CDYL: variants seen among roughly 807,000 people sequenced by gnomAD.
CDYL encodes the protein chromodomain Y like, also known as chromodomain Y-like protein.
CDYL carries 8 observed loss-of-function variants against 47.3 expected under a neutral mutation model. The observed-to-expected ratio is 0.17, with a 90% CI of 0.10 to 0.31. The LOEUF (loss-of-function observed/expected upper bound fraction) is 0.31. CDYL is among the 10% of genes least tolerant of loss of function. The pLI, the probability that CDYL is intolerant of heterozygous loss-of-function variation, is 1.00. For missense variants in CDYL, 471 were observed against 701.4 expected (o/e 0.67, Z 3.71); for synonymous variants, 266 against 265.0 (o/e 1.00, Z -0.04).
chr6:4,721,153 G>C (rs192889924), intron 2 of CDYL, among the ~76,000 whole-genome samples: 1 of 152,160 alleles, frequency 6.6e-6, no homozygotes, highest in Non-Finnish European at 1.5e-5. Flanking sequence ...ATGCAGGAAG[G>C]ATAGGGAAAC....
chr6:4,726,571 C>T (rs916756181), intron 2 of CDYL, among the ~76,000 whole-genome samples: 2 of 150,254 alleles, frequency 1.3e-5, no homozygotes, highest in Non-Finnish European at 3.0e-5. Flanking sequence ...TATGCTGGCA[C>T]ACACCTGTGG....
At chr6:4,840,698 A>G (rs550970124) in intron 1 of CDYL, among the ~76,000 whole-genome samples, 1 of 152,268 alleles carries the variant, frequency 6.6e-6, no homozygotes, top group South Asian at 2.1e-4. Flanking sequence ...TGATGACAAC[A>G]TTGACTTGCG....
intron 5 of CDYL, among the ~76,000 whole-genome samples, chr6:4,949,786 T>A (rs9378922): frequency 0.21 from 32,368 of 152,268 alleles, 3,638 homozygotes; most frequent in Non-Finnish European, 0.23. Flanking sequence ...CTATAATACA[T>A]ATCTTACCAA....
intron 1 of CDYL, among the ~76,000 whole-genome samples, chr6:4,808,141 T>C (rs1759425318): frequency 6.6e-6 from 1 of 152,178 alleles, no homozygotes; most frequent in Non-Finnish European, 1.5e-5. Context: ...GAGGGAGCAC[T>C]GTTTCATTTT....
chr6:4,792,424 TA>T (rs1315650564), intron 1 of CDYL, among the ~76,000 whole-genome samples: 613 of 150,646 alleles, frequency 4.1e-3, no homozygotes, highest in African/African-American at 0.014. Flanking sequence ...AATTTTTATT[TA>T]AAAAAAAATT....
At chr6:4,880,576 G>A (rs1761737673) in intron 1 of CDYL, among the ~76,000 whole-genome samples, 1 of 152,168 alleles carries the variant, frequency 6.6e-6, no homozygotes, top group Admixed American at 6.5e-5. Flanking sequence ...TGAATCATAT[G>A]GTAAGAGTAT....
intron 5 of CDYL, 86 bp downstream of exon 5, chr6:4,943,842 C>A: frequency 9.8e-7 from 1 of 1,017,924 alleles, no homozygotes; most frequent in Non-Finnish European, 1.4e-6. Flanking sequence ...TTTTCTAAAG[C>A]TGTACAGTGT....
At chr6:4,707,203 G>A (rs1240776109) in intron 1 of CDYL, among the ~76,000 whole-genome samples, 1 of 152,150 alleles carries the variant, frequency 6.6e-6, no homozygotes, top group Non-Finnish European at 1.5e-5. Flanking sequence ...AGGAAATAAG[G>A]CCCTGAGGCT....
intron 1 of CDYL, among the ~76,000 whole-genome samples, chr6:4,818,641 T>C (rs1759739342): frequency 6.6e-6 from 1 of 152,226 alleles, no homozygotes; most frequent in Non-Finnish European, 1.5e-5. Flanking sequence ...GTTTTCCTAC[T>C]CATATTATGC....
intron 2 of CDYL, among the ~76,000 whole-genome samples, chr6:4,928,902 T>C (rs1257370373): frequency 6.6e-6 from 1 of 152,196 alleles, no homozygotes; most frequent in Non-Finnish European, 1.5e-5. Context: ...TTTGTTAAGT[T>C]GGTATGAAAG....
intron 2 of CDYL, among the ~76,000 whole-genome samples, chr6:4,905,788 TTTTA>T (rs889707103): frequency 1.3e-5 from 2 of 152,210 alleles, no homozygotes; most frequent in South Asian, 2.1e-4. Flanking sequence ...CCCCTTTTTA[TTTTA>T]TTTATTTTTC....
intron 1 of CDYL, among the ~76,000 whole-genome samples, chr6:4,859,732 T>A (rs1761109594): frequency 6.6e-6 from 1 of 152,252 alleles, no homozygotes; most frequent in Middle Eastern, 3.4e-3. Flanking sequence ...GTTTGGTGAA[T>A]AAGGGCATCT....
At chr6:4,758,341 A>AAAAT (rs1396745804) in intron 3 of CDYL, among the ~76,000 whole-genome samples, 22 of 99,712 alleles carry the variant, frequency 2.2e-4, no homozygotes, top group African/African-American at 3.9e-4. Flanking sequence ...TCATGTCTTG[A>AAAAT]AAATAAATAA....
intron 1 of CDYL, among the ~76,000 whole-genome samples, chr6:4,881,168 G>T (rs1414420254): frequency 6.6e-6 from 1 of 152,060 alleles, no homozygotes; most frequent in African/African-American, 2.4e-5. Flanking sequence ...TAGTATAATT[G>T]TTGATAGGGT....
intron 3 of CDYL, among the ~76,000 whole-genome samples, chr6:4,936,912 G>A (rs930377861): frequency 6.6e-6 from 1 of 152,072 alleles, no homozygotes; most frequent in Non-Finnish European, 1.5e-5. Context: ...AATTATACTC[G>A]AGTTATGTAG....
intron 3 of CDYL, among the ~76,000 whole-genome samples, chr6:4,936,736 A>G (rs1490604834): frequency 2.6e-5 from 4 of 152,208 alleles, no homozygotes; most frequent in African/African-American, 4.8e-5. Context: ...GTAGAACTGA[A>G]TGAGTTTCTT....
At chr6:4,949,096 C>G (rs1758617108) in intron 5 of CDYL, among the ~76,000 whole-genome samples, 1 of 152,268 alleles carries the variant, frequency 6.6e-6, no homozygotes, top group Non-Finnish European at 1.5e-5. Context: ...TTTCTTACAG[C>G]AGGCCCTCCG....
chr6:4,954,042 A>G lies in CDYL; in HGVS notation c.1621A>G (p.Ile541Val), dbSNP rs1758793890. ...CATGTTAAAGTACTTGCAGAGGAAG[A>G]TCGATGAGTTCTGAGTGTCGGGCTG... Reference protein sequence around the residue: ...DSMLKYLQRKIDEF With the variant: ...DSMLKYLQRKVDEF Residue 541 changes from isoleucine to valine, a missense_variant, in exon 7 of 7, where the codon ATC becomes GTC. Ile to Val is a conservative substitution (Grantham distance 29, BLOSUM62 3). Transcript: ENST00000397588. 1 of 1,613,774 alleles carries G rather than the reference A, an allele frequency of 6.2e-7. No individual in the cohort carries two copies.
At chr6:4,937,481 G>C in intron 3 of CDYL, 84 bp from the exon 4 acceptor site, 1 of 1,118,126 alleles carries the variant, frequency 8.9e-7, no homozygotes, top group Non-Finnish European at 1.2e-6. Context: ...GAGCAACAGA[G>C]TGAGACTCTC....
Sources: allele counts gnomAD v4.1 joint callset (sites outside exome capture counted in the v4.1 genomes callset), GRCh38; gene constraint gnomAD v4.1.1; transcripts MANE v1.5; gene names NCBI Gene and HGNC (gene_info 2026-07-23, HGNC 2026-07-21).